FREM2: variants seen among roughly 807,000 people sequenced by gnomAD.
FREM2 encodes the protein FRAS1-related extracellular matrix protein 2.
A neutral mutation model predicts 219.9 loss-of-function variants in FREM2; 119 were observed. The observed-to-expected ratio is 0.54, with a 90% CI of 0.47 to 0.63. The LOEUF (loss-of-function observed/expected upper bound fraction) is 0.63. Ranked by LOEUF, FREM2 falls within the 30% of genes least tolerant of loss-of-function variation. FREM2 has a pLI of 0.00. For missense variants in FREM2, 4,030 were observed against 3,993.6 expected, an observed-to-expected ratio of 1.01 and a Z score of -0.25; for synonymous variants, 1,562 against 1,522.8, an observed-to-expected ratio of 1.03 and a Z score of -0.60.
At chr13:38,816,327 T>C (rs1875761999) in intron 6 of FREM2, among the ~76,000 whole-genome samples, 1 of 152,084 alleles carries the variant, frequency 6.6e-6, no homozygotes, top group Admixed American at 6.6e-5. Flanking sequence ...GATGTGAAAA[T>C]TCTTAACGAG....
At position 38,690,381 on chromosome 13, in the gene FREM2, T is replaced by TG; in HGVS notation, c.3037_3038insG (p.Ser1013CysfsTer10). On this transcript the variant is annotated frameshift_variant, in exon 1 of 24. Transcript: ENST00000280481. LOFTEE classifies it high-confidence loss of function. ...TACTCAAAGGGACATCTTGGAGGGC[T>TG]CTGTTGTATATACCCACACCAGTGG... is the stretch of plus-strand genomic sequence containing the variant. 6.2e-7 allele frequency: 1 copy of TG among 1,614,244 alleles called. No homozygotes were observed. The highest frequency in any genetic ancestry group is 8.5e-7 in the Non-Finnish European group (1 of 1,180,046).
intron 2 of FREM2, among the ~76,000 whole-genome samples, chr13:38,720,114 T>G (rs187692301): frequency 6.6e-6 from 1 of 152,270 alleles, no homozygotes; most frequent in Non-Finnish European, 1.5e-5. Context: ...CAGTGCCAAT[T>G]TTCCTTCTAA....
chr13:38,782,654 A>G (rs1410796242), intron 4 of FREM2, among the ~76,000 whole-genome samples: 1 of 152,236 alleles, frequency 6.6e-6, no homozygotes, highest in South Asian at 2.1e-4. Flanking sequence ...AGGTTCAACT[A>G]TGCGAGCCTG....
intron 2 of FREM2, among the ~76,000 whole-genome samples, chr13:38,743,045 C>T (rs1439360066): frequency 6.6e-6 from 1 of 152,060 alleles, no homozygotes; most frequent in Non-Finnish European, 1.5e-5. Flanking sequence ...TAAGAATGAG[C>T]ATGTAAGAAA....
intron 6 of FREM2, among the ~76,000 whole-genome samples, chr13:38,846,123 A>G (rs532137338): frequency 6.6e-6 from 1 of 152,158 alleles, no homozygotes; most frequent in African/African-American, 2.4e-5. Context: ...GCCCAAATCT[A>G]ATGGACCAGA....
At chr13:38,840,703 TAC>T (rs140273293) in intron 6 of FREM2, among the ~76,000 whole-genome samples, 21,933 of 148,890 alleles carry the variant, frequency 0.15, 1,857 homozygotes, top group Admixed American at 0.24. Context: ...TGTGCATATA[TAC>T]ACACACACAC....
At position 38,886,048 on chromosome 13, in the gene FREM2, T is replaced by G. The variant is rs1878714250; in HGVS notation, c.*5261T>G. On this transcript the variant is annotated 3_prime_UTR_variant, in exon 24 of 24. Coordinates refer to ENST00000280481, the MANE Select transcript of FREM2 (RefSeq NM_207361.6). Reference sequence around the variant, plus strand: ...TGTCACAGTTTAAGTGAATTTCTACTATGGATCTTTATTTTCCCCAATGTT... The same window carrying G: ...TGTCACAGTTTAAGTGAATTTCTACGATGGATCTTTATTTTCCCCAATGTT... The G allele has an allele frequency of 6.6e-6, 1 of 152,166 alleles. No individual in the cohort carries two copies. Among genetic ancestry groups the G allele is most frequent in the Non-Finnish European group, 1.5e-5 (1 of 68,018 alleles). 9.4% of individuals were successfully genotyped at this position (152,166 alleles called of 1,614,324 possible).
chr13:38,694,430 T>C (rs1213274127), intron 1 of FREM2, among the ~76,000 whole-genome samples: 4 of 152,222 alleles, frequency 2.6e-5, no homozygotes, highest in African/African-American at 9.6e-5. Flanking sequence ...CTGTTATTTA[T>C]GGAGATTAGA....
intron 1 of FREM2, among the ~76,000 whole-genome samples, chr13:38,695,306 A>T (rs1037036458): frequency 6.6e-6 from 1 of 152,130 alleles, no homozygotes; most frequent in South Asian, 2.1e-4. Context: ...ATGAATTATT[A>T]ATTAATTATA....
At chr13:38,823,598 A>T (rs1181419652) in intron 6 of FREM2, among the ~76,000 whole-genome samples, 2 of 151,952 alleles carry the variant, frequency 1.3e-5, no homozygotes, top group Non-Finnish European at 2.9e-5. Flanking sequence ...CTTGAAGAAA[A>T]ATTCTCCCTC....
chr13:38,709,059 C>T (rs1870654874), intron 2 of FREM2, among the ~76,000 whole-genome samples: 3 of 152,178 alleles, frequency 2.0e-5, no homozygotes, highest in South Asian at 2.1e-4. Flanking sequence ...CACATCCAGC[C>T]TCAATGTTCT....
At position 38,837,790 on chromosome 13, in the gene FREM2, G is replaced by GT. The variant is rs796568760; in HGVS notation, c.6020-8778dup. 2.9e-3 allele frequency among the ~76,000 whole-genome samples: 394 copies of GT among 137,126 alleles called. 12 individuals are homozygous for GT. Among genetic ancestry groups the GT allele is most frequent in the African/African-American group, 9.7e-3 (372 of 38,194 alleles). The allele number at this position is 137,126 out of a possible 152,430, so 90.0% of individuals were successfully genotyped here. The stretch of plus-strand genomic sequence containing the variant: ...GTTTTTTTTTGTTTTGTTTTGTTTT[G>GT]TTTTTGCTTTCCATTTGCTTGGTAA... On this transcript the variant is annotated intron_variant, in intron 6 of 23. Transcript: ENST00000280481.
intron 4 of FREM2, among the ~76,000 whole-genome samples, chr13:38,771,091 A>G (rs1873644208): frequency 6.6e-6 from 1 of 152,202 alleles, no homozygotes; most frequent in Non-Finnish European, 1.5e-5. Context: ...CCTGTGTTAA[A>G]AGACTAAGCA....
rs1406593324 is a variant in FREM2, at chr13:38,754,888, TGATGATG to T, written c.5264-9415_5264-9409del. Among the ~76,000 whole-genome samples, 752 of 110,154 alleles carry T rather than the reference TGATGATG, an allele frequency of 6.8e-3. 11 individuals are homozygous for T. Among genetic ancestry groups the T allele is most frequent in the African/African-American group, 0.024 (707 of 29,332 alleles). The allele number at this position is 110,154 out of a possible 152,430, so 72.3% of individuals were successfully genotyped here. On this transcript the variant is annotated intron_variant, in intron 2 of 23. Coordinates refer to ENST00000280481, the MANE Select transcript of FREM2 (RefSeq NM_207361.6). Reference sequence around the variant, plus strand: ...ATGATGATGATGATGATGATGATGATGATGATGATGATGATTATTATTATTATTATTA... The same window carrying T: ...ATGATGATGATGATGATGATGATGATATGATGATTATTATTATTATTATTA...
intron 6 of FREM2, among the ~76,000 whole-genome samples, chr13:38,791,223 C>A (rs1231315755): frequency 6.6e-6 from 1 of 152,192 alleles, no homozygotes; most frequent in East Asian, 1.9e-4. Flanking sequence ...ATCTGAAAAA[C>A]TCTTCGTCGA....
intron 15 of FREM2, among the ~76,000 whole-genome samples, chr13:38,863,955 C>T (rs1323674066): frequency 6.6e-6 from 1 of 152,134 alleles, no homozygotes; most frequent in African/African-American, 2.4e-5. Context: ...GCCTCAGCCT[C>T]CCAAGTAGCT....
rs569216295 is a variant in FREM2 at position 38,864,688 on chromosome 13, A to G, written c.7983+82A>G. Reference sequence around the variant, plus strand: ...TCACATAGATTTGTACTAAGTCCCAACTCCAGTTTTCCATCTTGGTGTTGT... The same window carrying G: ...TCACATAGATTTGTACTAAGTCCCAGCTCCAGTTTTCCATCTTGGTGTTGT... On this transcript the variant is annotated intron_variant, in intron 16 of 23. Transcript: ENST00000280481. 1.1e-5 allele frequency: 13 copies of G among 1,230,218 alleles called. No homozygotes were observed. The African/African-American group carries it at 1.8e-4, about 17-fold the overall frequency. The allele number at this position is 1,230,218 out of a possible 1,614,324, so 76.2% of individuals were successfully genotyped here. A position where few individuals can be genotyped will look rare whatever the true frequency, so the allele number is the denominator to read the frequency against.
At chr13:38,753,272 A>C (rs970045305) in intron 2 of FREM2, among the ~76,000 whole-genome samples, 6 of 152,210 alleles carry the variant, frequency 3.9e-5, no homozygotes, top group African/African-American at 1.2e-4. Flanking sequence ...ATGTATACAC[A>C]TATAATTATA....
In FREM2 at chr13:38,846,658, T is replaced by G; in HGVS notation, c.6105T>G (p.Thr2035=). 1 of 1,613,886 alleles carries G rather than the reference T, an allele frequency of 6.2e-7. No homozygotes were observed. Among genetic ancestry groups the G allele is most frequent in the Non-Finnish European group, 8.5e-7 (1 of 1,179,824 alleles). ...YVEVQVWRTG[T]DLSKSSSVTV... is the part of the protein sequence containing the mutation. ...AAGTGCAGGTGTGGAGAACGGGCAC[T>G]GACCTGTCCAAGTCTTCTAGTGTCA... is the stretch of plus-strand genomic sequence containing the variant. The change falls in exon 7 of 24, where the codon ACT becomes ACG. Residue 2035 remains threonine (T), a synonymous_variant. Transcript: ENST00000280481.
Sources: gnomAD v4.1 joint callset for allele counts (sites outside exome capture counted in the v4.1 genomes callset) on GRCh38, gnomAD v4.1.1 for gene constraint, MANE v1.5 for transcripts, NCBI Gene and HGNC (gene_info 2026-07-23, HGNC 2026-07-21) for gene names.